Variants in CPQ observed in about 807,000 individuals in gnomAD.
CPQ encodes Ser-Met dipeptidase.
In CPQ, 37 loss-of-function variants were observed where a neutral mutation model predicts 45.7. The observed-to-expected ratio is 0.81, with a 90% CI of 0.62 to 1.07. CPQ has a LOEUF of 1.07. Among genes scored for constraint, CPQ ranks in the 50% least tolerant of loss-of-function variants. The probability of loss-of-function intolerance (pLI) is 0.00; values close to 1 mark genes in which losing one functional copy is unlikely to be tolerated. For missense variants in CPQ, 537 were observed against 572.9 expected (o/e 0.94, Z 0.64); for synonymous variants, 186 against 205.8 (o/e 0.90, Z 0.82).
chr8:96,732,604 A>G, intron 1 of CPQ, among the ~76,000 whole-genome samples: 1 of 151,254 alleles, frequency 6.6e-6, no homozygotes, highest in East Asian at 1.9e-4. Flanking sequence ...TTCTTAATAG[A>G]TGAGAAAAAA....
intron 1 of CPQ, among the ~76,000 whole-genome samples, chr8:96,715,682 C>T (rs1010320572): frequency 1.3e-5 from 2 of 152,128 alleles, no homozygotes; most frequent in East Asian, 1.9e-4. Flanking sequence ...TCACTTTTGC[C>T]TCTGCTGAAA....
intron 7 of CPQ, among the ~76,000 whole-genome samples, chr8:97,127,748 C>T (rs1811871706): frequency 6.6e-6 from 1 of 152,062 alleles, no homozygotes. Context: ...ACATTGCTAA[C>T]ATTCACTAAA....
At chr8:96,663,360 T>C (rs1315391085) in intron 1 of CPQ, among the ~76,000 whole-genome samples, 4 of 152,166 alleles carry the variant, frequency 2.6e-5, no homozygotes, top group Non-Finnish European at 5.9e-5. Flanking sequence ...TAAACACTTG[T>C]CAATGGAAGA....
chr8:96,727,690 A>G (rs1261337061), intron 1 of CPQ, among the ~76,000 whole-genome samples: 2 of 152,080 alleles, frequency 1.3e-5, no homozygotes, highest in Admixed American at 1.3e-4. Flanking sequence ...GATGGGTGAC[A>G]CATTCAAATG....
chr8:97,040,702 G>A (rs947903171), intron 6 of CPQ, among the ~76,000 whole-genome samples: 7 of 151,836 alleles, frequency 4.6e-5, no homozygotes, highest in Non-Finnish European at 1.0e-4. Flanking sequence ...TTCTACATAT[G>A]GCTAGCCAGT....
At chr8:97,038,387 C>G (rs556487768) in intron 6 of CPQ, among the ~76,000 whole-genome samples, 5 of 152,256 alleles carry the variant, frequency 3.3e-5, no homozygotes, top group African/African-American at 1.2e-4. Context: ...TCAGTGCCTC[C>G]CTACTCCTAA....
chr8:96,966,054 T>A lies in CPQ; in HGVS notation c.961+8T>A, dbSNP rs769535534. On this transcript the variant is annotated splice_region_variant and intron_variant, in intron 5 of 7. Transcript: ENST00000220763. ...CACTTATTAAAGATCTTGGTAAATA[T>A]TTAGAAAATTGTTAACTAATGTGTG... 6.3e-7 allele frequency: 1 copy of A among 1,591,556 alleles called. No homozygotes were observed. Among genetic ancestry groups the A allele is most frequent in the Non-Finnish European group, 8.6e-7 (1 of 1,162,018 alleles).
intron 4 of CPQ, among the ~76,000 whole-genome samples, chr8:96,962,155 G>A (rs1227954634): frequency 1.3e-5 from 2 of 152,134 alleles, no homozygotes; most frequent in Non-Finnish European, 2.9e-5. Flanking sequence ...TATTCCCAAG[G>A]CCCTCATTCC....
intron 5 of CPQ, among the ~76,000 whole-genome samples, chr8:97,020,324 G>T (rs895680004): frequency 6.6e-6 from 1 of 151,744 alleles, no homozygotes; most frequent in Non-Finnish European, 1.5e-5. Context: ...AGGAACTAGA[G>T]AAACAAAAAC....
chr8:96,764,333 A>T (rs1810441332), intron 1 of CPQ, among the ~76,000 whole-genome samples: 1 of 152,216 alleles, frequency 6.6e-6, no homozygotes, highest in African/African-American at 2.4e-5. Flanking sequence ...AAACTAATGT[A>T]CAATAACAGA....
intron 5 of CPQ, 58 bp downstream of exon 5, chr8:96,966,104 C>A (rs1394564300): frequency 8.4e-7 from 1 of 1,192,958 alleles, no homozygotes; most frequent in Non-Finnish European, 1.2e-6. Context: ...ATGTTTAACT[C>A]AAAACACAAA....
chr8:96,646,674 T>C (rs1815522760), intron 1 of CPQ, among the ~76,000 whole-genome samples: 1 of 152,212 alleles, frequency 6.6e-6, no homozygotes, highest in Non-Finnish European at 1.5e-5. Flanking sequence ...ACTTGATCTC[T>C]TTAGGTTTTA....
chr8:96,662,163 T>C (rs1274240760), intron 1 of CPQ, among the ~76,000 whole-genome samples: 1 of 152,246 alleles, frequency 6.6e-6, no homozygotes, highest in Non-Finnish European at 1.5e-5. Context: ...TTAAGAGTTC[T>C]TTGTATATTT....
At chr8:96,955,049 A>G (rs1813333891) in intron 4 of CPQ, among the ~76,000 whole-genome samples, 1 of 152,160 alleles carries the variant, frequency 6.6e-6, no homozygotes, top group Non-Finnish European at 1.5e-5. Context: ...ATAGTGCCAC[A>G]ATAAACATAC....
intron 1 of CPQ, among the ~76,000 whole-genome samples, chr8:96,753,549 A>T (rs1810290096): frequency 1.4e-5 from 2 of 139,362 alleles, no homozygotes; most frequent in Non-Finnish European, 3.3e-5. Context: ...TTTACTTAAG[A>T]AATTTATAGT....
intron 1 of CPQ, among the ~76,000 whole-genome samples, chr8:96,685,886 C>A (rs977414652): frequency 6.6e-6 from 1 of 152,000 alleles, no homozygotes. Flanking sequence ...TTGTTTAATT[C>A]TTGTGGGTCC....
intron 6 of CPQ, among the ~76,000 whole-genome samples, chr8:97,055,902 C>T (rs1284262611): frequency 6.6e-6 from 1 of 152,104 alleles, no homozygotes; most frequent in Non-Finnish European, 1.5e-5. Context: ...AAGTTCAAGA[C>T]CAGCCTGGGC....
chr8:96,800,829 G>C (rs1489298032), intron 2 of CPQ, among the ~76,000 whole-genome samples: 2 of 152,124 alleles, frequency 1.3e-5, no homozygotes, highest in Admixed American at 6.5e-5. Flanking sequence ...TTTCTACTTA[G>C]GACATTGTGG....
At chr8:96,830,080 A>G (rs965925426) in intron 2 of CPQ, among the ~76,000 whole-genome samples, 4 of 152,234 alleles carry the variant, frequency 2.6e-5, no homozygotes, top group Non-Finnish European at 2.9e-5. Context: ...CCACTTCTCC[A>G]TGGACCTAGT....
Sources: gnomAD v4.1 joint callset for allele counts (sites outside exome capture counted in the v4.1 genomes callset) on GRCh38, gnomAD v4.1.1 for gene constraint, MANE v1.5 for transcripts, NCBI Gene and HGNC (gene_info 2026-07-23, HGNC 2026-07-21) for gene names.